The following MYPN variants were observed in gnomAD, a reference collection of about 807,000 sequenced individuals.
The protein encoded by MYPN is myopalladin, also known as sarcomeric protein myopalladin, 145 kDa (MYOP).
A neutral mutation model predicts 129.4 loss-of-function variants in MYPN; 63 were observed. That is an observed-to-expected ratio of 0.49 (90% CI 0.40 to 0.60). The LOEUF is 0.60. MYPN is among the 20% of genes least tolerant of loss of function. The pLI is 0.00. For synonymous variants in MYPN, 629 were observed against 600.9 expected, an observed-to-expected ratio of 1.05 and a Z score of -0.68; for missense variants, 1,596 against 1,635.4, an observed-to-expected ratio of 0.98 and a Z score of 0.42.
At chr10:68,094,992 C>T (rs893153809) in intron 1 of MYPN, among the ~76,000 whole-genome samples, 6 of 152,074 alleles carry the variant, frequency 3.9e-5, no homozygotes, top group Non-Finnish European at 5.9e-5. Context: ...ACCTGGAAGA[C>T]GGAGGTTGCA....
chr10:68,121,725 C>G lies in MYPN; in HGVS notation c.287C>G (p.Ala96Gly). The change falls in exon 2 of 20, where the codon GCT becomes GGT. Residue 96 changes from alanine to glycine, a missense_variant. Transcript: ENST00000358913. ...DPLEKADETQ[A>G]RKRLSPDQMK... The stretch of plus-strand genomic sequence containing the variant: ...TTGGAGAAGGCAGATGAAACTCAAG[C>G]TAGAAAACGACTTTCTCCTGATCAG... The G allele has an allele frequency of 1.2e-6, 2 of 1,614,210 alleles. No homozygotes were observed. Among genetic ancestry groups the G allele is most frequent in the Non-Finnish European group, 1.7e-6 (2 of 1,180,042 alleles).
rs948144741 is a variant in MYPN, at chr10:68,165,560, T to C, written c.1484-142T>C. ...CTAATCAGTCAATTCAATCAAACAA[T>C]TGTTTTGACCAATTGTTTTCAAAGA... On this transcript the variant is annotated intron_variant, in intron 8 of 19. Transcript: ENST00000358913. 4 of 734,970 alleles carry C rather than the reference T, an allele frequency of 5.4e-6. No homozygotes were observed. In the African/African-American group the frequency reaches 6.9e-5, roughly 13 times the overall value. The allele number at this position is 734,970 out of a possible 1,614,324, so 45.5% of individuals were successfully genotyped here.
chr10:68,197,430 T>G lies in MYPN; in HGVS notation c.3237T>G (p.Pro1079=). ...RFFRPHFLQA[P]GDMVAHEGRL... ...TCCGACCACATTTCCTGCAGGCTCC[T>G]GGGGATATGGTAGCTCATGAGGGGC... Residue 1079 remains proline, a synonymous_variant, in exon 16 of 20, where the codon CCT becomes CCG. Coordinates refer to ENST00000358913, the MANE Select transcript of MYPN (RefSeq NM_032578.4). 1 of 1,614,020 alleles carries G rather than the reference T, an allele frequency of 6.2e-7. No homozygotes were observed. The highest frequency in any genetic ancestry group is 8.5e-7 in the Non-Finnish European group (1 of 1,179,948).
intron 1 of MYPN, among the ~76,000 whole-genome samples, chr10:68,118,075 A>T (rs1229172656): frequency 6.6e-6 from 1 of 152,160 alleles, no homozygotes; most frequent in Non-Finnish European, 1.5e-5. Flanking sequence ...AATACCTGAA[A>T]GTTTTGTTGT....
chr10:68,097,142 T>C (rs550806657), intron 1 of MYPN, among the ~76,000 whole-genome samples: 2 of 152,226 alleles, frequency 1.3e-5, no homozygotes, highest in South Asian at 4.1e-4. Flanking sequence ...TAACTAGATA[T>C]GAAGCATTTT....
chr10:68,143,195 C>G, intron 3 of MYPN, 80 bp downstream of exon 3: 1 of 1,362,598 alleles, frequency 7.3e-7, no homozygotes, highest in Admixed American at 1.8e-5. Flanking sequence ...TTGAGGGCCT[C>G]CTCTACCATG....
upstream of MYPN, among the ~76,000 whole-genome samples, chr10:68,108,869 C>T (rs953663014): frequency 4.6e-5 from 7 of 152,056 alleles, no homozygotes; most frequent in Admixed American, 6.6e-5. Flanking sequence ...TATAGGCATG[C>T]GCCACCAAAC....
chr10:68,186,516 A>C (rs2043423838), intron 12 of MYPN, among the ~76,000 whole-genome samples: 1 of 152,136 alleles, frequency 6.6e-6, no homozygotes, highest in African/African-American at 2.4e-5. Context: ...ATCTCCATAG[A>C]GCTCCCCTAA....
At chr10:68,196,261 T>C (rs2043602331) in intron 15 of MYPN, among the ~76,000 whole-genome samples, 1 of 152,196 alleles carries the variant, frequency 6.6e-6, no homozygotes, top group South Asian at 2.1e-4. Flanking sequence ...TTTGTTGTTG[T>C]CTCCAATACA....
upstream of MYPN, among the ~76,000 whole-genome samples, chr10:68,104,161 A>G (rs1055104116): frequency 6.6e-6 from 1 of 152,218 alleles, no homozygotes; most frequent in Admixed American, 6.5e-5. Context: ...AAGAAATGTT[A>G]GTTCCCATTT....
chr10:68,135,493 G>A (rs192814340), intron 2 of MYPN: 1 of 984,986 alleles, frequency 1.0e-6, no homozygotes, highest in Non-Finnish European at 1.2e-6. Context: ...TTACTCTGAT[G>A]CTTGGAGAGA....
intron 2 of MYPN, among the ~76,000 whole-genome samples, chr10:68,140,934 T>G (rs2042566554): frequency 1.3e-5 from 2 of 152,092 alleles, no homozygotes. Context: ...TAGCCAGGTG[T>G]GGCAGCACGT....
chr10:68,161,541 C>A (rs563257211), intron 7 of MYPN, among the ~76,000 whole-genome samples, 188 bp from the exon 8 acceptor site: 129 of 151,554 alleles, frequency 8.5e-4, no homozygotes, highest in Non-Finnish European at 1.6e-3. Flanking sequence ...AGTTTTTGCT[C>A]TTTTGCTGCC....
intron 17 of MYPN, among the ~76,000 whole-genome samples, chr10:68,200,985 C>A (rs574015910): frequency 6.6e-6 from 1 of 152,284 alleles, no homozygotes; most frequent in East Asian, 1.9e-4. Context: ...ACATGAGGTA[C>A]CTTTACCTAA....
chr10:68,105,929 T>C (rs1402839936), upstream of MYPN, among the ~76,000 whole-genome samples: 2 of 152,244 alleles, frequency 1.3e-5, no homozygotes, highest in Non-Finnish European at 2.9e-5. Context: ...TTAGTCATTA[T>C]CCACCCCCAC....
chr10:68,204,744 A>AG (rs1564701260), intron 18 of MYPN, among the ~76,000 whole-genome samples: 1 of 151,354 alleles, frequency 6.6e-6, no homozygotes, highest in African/African-American at 2.4e-5. Flanking sequence ...AAAAAAAAAA[A>AG]AGAGAATACA....
intron 14 of MYPN, 142 bp downstream of exon 14, chr10:68,194,654 G>A: frequency 1.0e-6 from 1 of 984,752 alleles, no homozygotes; most frequent in Non-Finnish European, 1.5e-6. Context: ...GTGTAACTAG[G>A]GCACAGCATC....
At chr10:68,195,605 C>A in intron 15 of MYPN, 73 bp downstream of exon 15, 1 of 1,200,564 alleles carries the variant, frequency 8.3e-7, no homozygotes, top group Non-Finnish European at 1.2e-6. Context: ...CACCAAAGTA[C>A]TGGATCCACA....
intron 3 of MYPN, among the ~76,000 whole-genome samples, chr10:68,144,556 T>C (rs1358064258): frequency 6.6e-6 from 1 of 152,194 alleles, no homozygotes; most frequent in Admixed American, 6.5e-5. Flanking sequence ...CAGATTTAGC[T>C]GTTATATATC....
Sources: gnomAD v4.1 joint callset for allele counts (sites outside exome capture counted in the v4.1 genomes callset) on GRCh38, gnomAD v4.1.1 for gene constraint, MANE v1.5 for transcripts, NCBI Gene and HGNC (gene_info 2026-07-23, HGNC 2026-07-21) for gene names.